Variants in RIMKLB observed in about 807,000 individuals in gnomAD.
The protein encoded by RIMKLB is ribosomal modification protein rimK like family member B, also known as beta-citrylglutamate synthase B.
A neutral mutation model predicts 32.0 loss-of-function variants in RIMKLB; 7 were observed. The observed-to-expected ratio is 0.22, with a 90% CI of 0.12 to 0.41. RIMKLB has a LOEUF of 0.41. Among genes scored for constraint, RIMKLB ranks in the 10% least tolerant of loss-of-function variants. RIMKLB has a pLI of 1.00. For missense variants in RIMKLB, 289 were observed against 498.7 expected (o/e 0.58, Z 4.00); for synonymous variants, 172 against 185.1 (o/e 0.93, Z 0.57).
chr12:8,717,442 T>C (rs1269300837), intron 2 of RIMKLB, among the ~76,000 whole-genome samples: 3 of 152,114 alleles, frequency 2.0e-5, no homozygotes, highest in African/African-American at 7.2e-5. Context: ...CTTTTTTTTT[T>C]CCCTCATTGC....
chr12:8,739,620 G>A (rs1203692306), intron 2 of RIMKLB, among the ~76,000 whole-genome samples: 3 of 152,164 alleles, frequency 2.0e-5, no homozygotes, highest in Non-Finnish European at 4.4e-5. Context: ...ATAGGCATAT[G>A]CCATCATGCT....
intron 2 of RIMKLB, among the ~76,000 whole-genome samples, chr12:8,727,917 C>T (rs982808813): frequency 1.4e-5 from 2 of 144,006 alleles, no homozygotes; most frequent in African/African-American, 2.6e-5. Flanking sequence ...AAAAAAAAAT[C>T]TAGTATTTTT....
intron 2 of RIMKLB, among the ~76,000 whole-genome samples, chr12:8,731,647 G>A (rs1273254470): frequency 6.6e-6 from 1 of 152,006 alleles, no homozygotes; most frequent in Non-Finnish European, 1.5e-5. Flanking sequence ...TTTAAATTGT[G>A]GAGAGTCAGT....
chr12:8,754,182 C>G lies in RIMKLB; in HGVS notation c.697+89C>G, dbSNP rs1048224030. On this transcript the variant is annotated intron_variant, in intron 5 of 5. Coordinates refer to ENST00000535829, the MANE Select transcript of RIMKLB (RefSeq NM_001297776.2). ...TCATATGTATGTAACTCTAGACCTT[C>G]TTAATAAGTTGAAAAACGTATTTCC... The G allele has an allele frequency of 5.3e-4, 497 of 940,536 alleles. 1 individual carries two copies. Among genetic ancestry groups the G allele is most frequent in the Non-Finnish European group, 2.0e-4 (117 of 593,048 alleles). 58.3% of individuals were successfully genotyped at this position (940,536 alleles called of 1,614,324 possible).
intron 1 of RIMKLB, among the ~76,000 whole-genome samples, chr12:8,682,228 G>C (rs766707663): frequency 1.3e-4 from 20 of 152,146 alleles, no homozygotes; most frequent in Non-Finnish European, 2.4e-4. Context: ...TTCCTAAATC[G>C]GGACACGAGA....
intron 7 of RIMKLB, among the ~76,000 whole-genome samples, chr12:8,782,302 A>AT (rs766341991): frequency 5.9e-5 from 9 of 151,958 alleles, no homozygotes; most frequent in African/African-American, 1.4e-4. Context: ...TTTTTGTTAG[A>AT]TTTTTTCTTT....
intron 5 of RIMKLB, among the ~76,000 whole-genome samples, chr12:8,762,490 T>C (rs1949614225): frequency 1.3e-5 from 2 of 152,096 alleles, no homozygotes; most frequent in Admixed American, 1.3e-4. Context: ...CCTTTCCTTT[T>C]CTTTCTGATG....
chr12:8,730,890 C>T (rs1473494152), intron 2 of RIMKLB, among the ~76,000 whole-genome samples: 1 of 151,932 alleles, frequency 6.6e-6, no homozygotes, highest in Non-Finnish European at 1.5e-5. Context: ...CAGGCATATG[C>T]CTTCACACCT....
At chr12:8,685,016 A>G (rs1942529884) in intron 1 of RIMKLB, among the ~76,000 whole-genome samples, 1 of 152,334 alleles carries the variant, frequency 6.6e-6, no homozygotes, top group South Asian at 2.1e-4. Flanking sequence ...TTGTGCTAGA[A>G]TTGCTTATTA....
chr12:8,703,653 C>G (rs146125871), intron 1 of RIMKLB, among the ~76,000 whole-genome samples: 288 of 152,252 alleles, frequency 1.9e-3, no homozygotes, highest in African/African-American at 6.6e-3. Context: ...CTCCTGGCCT[C>G]AAGCAATCCT....
In RIMKLB at chr12:8,698,159, A is replaced by G. The variant is rs957511761; in HGVS notation, c.-195A>G. The stretch of plus-strand genomic sequence containing the variant: ...CGGGAGCCGCAGTCGGCGGAGGAGA[A>G]AGGAGGCGGCTCCCGGTATCCCGAC... On this transcript the variant is annotated 5_prime_UTR_variant, in exon 1 of 6. Coordinates refer to ENST00000535829, the MANE Select transcript of RIMKLB (RefSeq NM_001297776.2). 1.9e-5 allele frequency: 6 copies of G among 320,462 alleles called. No individual in the cohort carries two copies. Among genetic ancestry groups the G allele is most frequent in the Non-Finnish European group, 2.5e-5 (4 of 160,072 alleles). 19.9% of individuals were successfully genotyped at this position (320,462 alleles called of 1,614,324 possible).
intron 2 of RIMKLB, among the ~76,000 whole-genome samples, chr12:8,726,551 A>G (rs748414894): frequency 1.3e-5 from 2 of 151,962 alleles, no homozygotes; most frequent in Admixed American, 6.6e-5. Flanking sequence ...GTAGCATGGT[A>G]TATCTAGCAT....
At chr12:8,715,256 G>A (rs1944729718) in intron 2 of RIMKLB, among the ~76,000 whole-genome samples, 1 of 138,416 alleles carries the variant, frequency 7.2e-6, no homozygotes, top group Non-Finnish European at 1.5e-5. Flanking sequence ...TGGAGACAGG[G>A]TCTTTGTCAC....
chr12:8,737,643 T>TC lies in RIMKLB; in HGVS notation c.176-12212dup, dbSNP rs989151178. Among the ~76,000 whole-genome samples the TC allele has an allele frequency of 6.6e-5, 10 of 152,234 alleles. No homozygotes were observed. In the South Asian group the frequency reaches 1.0e-3, roughly 16 times the overall value. On this transcript the variant is annotated intron_variant, in intron 2 of 5. Coordinates refer to ENST00000535829, the MANE Select transcript of RIMKLB (RefSeq NM_001297776.2). ...TATGATGTTGTTACAAAATGGATTT[T>TC]CCCCCCCTCATCTCTATTATTCATT... is the stretch of plus-strand genomic sequence containing the variant.
At chr12:8,702,698 A>G (rs1943508453) in intron 1 of RIMKLB, among the ~76,000 whole-genome samples, 1 of 152,218 alleles carries the variant, frequency 6.6e-6, no homozygotes, top group South Asian at 2.1e-4. Context: ...CCAAATAGCA[A>G]CCTTGGAATT....
intron 2 of RIMKLB, among the ~76,000 whole-genome samples, chr12:8,720,729 G>C (rs1945359690): frequency 6.6e-6 from 1 of 152,130 alleles, no homozygotes; most frequent in South Asian, 2.1e-4. Flanking sequence ...TGGTAGAGAT[G>C]GGGTTTCACC....
intron 3 of RIMKLB, 90 bp downstream of exon 3, chr12:8,750,182 A>G (rs1187571857): frequency 2.4e-5 from 18 of 742,996 alleles, no homozygotes; most frequent in Non-Finnish European, 3.7e-5. Context: ...AACACCTTAT[A>G]GAAGTGTCTT....
intron 1 of RIMKLB, among the ~76,000 whole-genome samples, chr12:8,701,042 G>A (rs745507630): frequency 9.2e-5 from 14 of 151,926 alleles, no homozygotes; most frequent in Non-Finnish European, 1.0e-4. Context: ...CTCCAGCTTG[G>A]GCAACAGAGC....
chr12:8,751,216 G>A (rs1346458434), intron 3 of RIMKLB, among the ~76,000 whole-genome samples: 2 of 152,168 alleles, frequency 1.3e-5, no homozygotes, highest in Non-Finnish European at 2.9e-5. Flanking sequence ...AAATTAACAA[G>A]TATTACCTTT....
Sources: allele counts gnomAD v4.1 joint callset (sites outside exome capture counted in the v4.1 genomes callset), GRCh38; gene constraint gnomAD v4.1.1; transcripts MANE v1.5; gene names NCBI Gene and HGNC (gene_info 2026-07-23, HGNC 2026-07-21).